Variants in PCDHGA2 observed in about 807,000 individuals in gnomAD.
PCDHGA2 encodes the protein protocadherin gamma-A2.
PCDHGA2 carries 40 observed loss-of-function variants against 59.2 expected under a neutral mutation model. That is an observed-to-expected ratio of 0.68 (90% CI 0.52 to 0.88). The LOEUF (loss-of-function observed/expected upper bound fraction) is 0.88, where lower values mean the gene tolerates loss of function less well. Among genes scored for constraint, PCDHGA2 ranks in the 40% least tolerant of loss-of-function variants. The pLI is 0.00. For synonymous variants in PCDHGA2, 560 were observed against 526.0 expected (o/e 1.06, Z -0.89); for missense variants, 1,226 against 1,204.0 (o/e 1.02, Z -0.27).
intron 1 of PCDHGA2, chr5:141,346,004 T>G: frequency 1.9e-6 from 3 of 1,613,406 alleles, no homozygotes; most frequent in Middle Eastern, 3.5e-4. Context: ...TCTCCGCCAC[T>G]GTCACGCTCA....
chr5:141,387,924 CTGCCAG>C (rs145222727), intron 1 of PCDHGA2: 128,031 of 1,478,756 alleles, frequency 0.087, 6,358 homozygotes, highest in Non-Finnish European at 0.099. Context: ...GGCTGAGAGG[CTGCCAG>C]TGCTCTTTCT....
At chr5:141,421,889 C>T (rs1280668349) in intron 1 of PCDHGA2, 5 of 1,613,574 alleles carry the variant, frequency 3.1e-6, no homozygotes, top group African/African-American at 1.3e-5. Flanking sequence ...GGAGGCGATC[C>T]CATCCGAAAG....
At chr5:141,401,728 T>G (rs1476616709) in intron 1 of PCDHGA2, among the ~76,000 whole-genome samples, 2 of 152,174 alleles carry the variant, frequency 1.3e-5, no homozygotes, top group Non-Finnish European at 2.9e-5. Context: ...AAACTACTAG[T>G]CTTGTGTACA....
intron 1 of PCDHGA2, chr5:141,361,529 A>C (rs1251773274): frequency 8.7e-6 from 14 of 1,613,912 alleles, no homozygotes; most frequent in Non-Finnish European, 1.2e-5. Flanking sequence ...GCAGAGAACA[A>C]TCCTCCTGGC....
intron 1 of PCDHGA2, chr5:141,421,750 C>G: frequency 6.2e-7 from 1 of 1,613,906 alleles, no homozygotes; most frequent in East Asian, 2.2e-5. Flanking sequence ...CCAGCTCAGC[C>G]CTAATAATTA....
chr5:141,450,565 C>A (rs1024229182), intron 1 of PCDHGA2, among the ~76,000 whole-genome samples: 4 of 152,016 alleles, frequency 2.6e-5, no homozygotes, highest in African/African-American at 9.7e-5. Flanking sequence ...CGGCTCACTG[C>A]AACTTCTGCC....
At chr5:141,400,860 A>G (rs77207205) in intron 1 of PCDHGA2, among the ~76,000 whole-genome samples, 6,447 of 152,342 alleles carry the variant, frequency 0.042, 220 homozygotes, top group African/African-American at 0.092. Flanking sequence ...TATTGTATGT[A>G]GATAAACCAT....
intron 1 of PCDHGA2, among the ~76,000 whole-genome samples, chr5:141,433,697 CGTG>C (rs1176871032): frequency 6.6e-6 from 1 of 152,020 alleles, no homozygotes; most frequent in Non-Finnish European, 1.5e-5. Context: ...ATTAGCCGGG[CGTG>C]GTGGTGCATG....
At chr5:141,404,321 T>A (rs764642673) in intron 1 of PCDHGA2, 7 of 1,613,764 alleles carry the variant, frequency 4.3e-6, no homozygotes, top group Non-Finnish European at 3.4e-6. Flanking sequence ...TCAAGCCTCC[T>A]ACTCAGTCTA....
At chr5:141,384,839 AGGACCAC>A in intron 1 of PCDHGA2, 1 of 1,613,462 alleles carries the variant, frequency 6.2e-7, no homozygotes, top group East Asian at 2.2e-5. Context: ...GTGGCCGTCC[AGGACCAC>A]GGTCAGCCTC....
At chr5:141,360,280 A>T (rs1761513313) in intron 1 of PCDHGA2, 1 of 1,613,856 alleles carries the variant, frequency 6.2e-7, no homozygotes, top group African/African-American at 1.3e-5. Context: ...GGTCGTAGGA[A>T]ACCTCGCCAA....
intron 1 of PCDHGA2, among the ~76,000 whole-genome samples, chr5:141,468,952 G>GT (rs34870721): frequency 0.24 from 35,946 of 151,248 alleles, 4,442 homozygotes; most frequent in Admixed American, 0.32. Flanking sequence ...TAAACCTGTG[G>GT]TTTTTTTTAC....
At chr5:141,403,715 G>A in intron 1 of PCDHGA2, 3 of 1,613,898 alleles carry the variant, frequency 1.9e-6, no homozygotes, top group Non-Finnish European at 2.5e-6. Flanking sequence ...CCTTGAGAAC[G>A]TGCCCCCAGG....
chr5:141,437,000 G>A (rs1197061999), intron 1 of PCDHGA2, among the ~76,000 whole-genome samples: 1 of 152,198 alleles, frequency 6.6e-6, no homozygotes, highest in Non-Finnish European at 1.5e-5. Flanking sequence ...TTACTTCAAT[G>A]GGATCTTAGA....
At chr5:141,366,718 G>C (rs772444465) in intron 1 of PCDHGA2, 1 of 1,613,638 alleles carries the variant, frequency 6.2e-7, no homozygotes, top group Non-Finnish European at 8.5e-7. Context: ...TGTCTGATAA[G>C]GTAGATGCAA....
intron 1 of PCDHGA2, chr5:141,419,639 G>A (rs1478835703): frequency 6.2e-7 from 1 of 1,612,442 alleles, no homozygotes; most frequent in African/African-American, 1.3e-5. Flanking sequence ...GGTGGTGGCC[G>A]TGGACGCGGA....
chr5:141,410,737 C>A, intron 1 of PCDHGA2: 1 of 1,295,554 alleles, frequency 7.7e-7, no homozygotes, highest in East Asian at 2.5e-5. Context: ...TAGCTTTTTA[C>A]AATATTTTCT....
intron 1 of PCDHGA2, chr5:141,418,409 G>A (rs2096254230): frequency 6.2e-7 from 1 of 1,613,792 alleles, no homozygotes; most frequent in African/African-American, 1.3e-5. Context: ...GGTGGAGAAA[G>A]ACAATCCTGA....
chr5:141,500,618 C>T (rs554274946), intron 2 of PCDHGA2, among the ~76,000 whole-genome samples: 1 of 152,262 alleles, frequency 6.6e-6, no homozygotes, highest in South Asian at 2.1e-4. Flanking sequence ...CCCAGTCATA[C>T]GGTACATTTC....
Sources: gnomAD v4.1 joint callset for allele counts (sites outside exome capture counted in the v4.1 genomes callset) on GRCh38, gnomAD v4.1.1 for gene constraint, MANE v1.5 for transcripts, NCBI Gene and HGNC (gene_info 2026-07-23, HGNC 2026-07-21) for gene names.